The following LRRTM4 variants were observed in gnomAD, a reference collection of about 807,000 sequenced individuals.
LRRTM4 encodes the protein leucine rich repeat transmembrane neuronal 4, also known as leucine-rich repeat transmembrane neuronal protein 4.
Under a neutral mutation model 47.6 loss-of-function variants are expected in LRRTM4, and 25 were observed. The ratio of observed to expected loss-of-function variants is 0.53; its 90% CI spans 0.38 to 0.73. LRRTM4 has a LOEUF of 0.73. Ranked by LOEUF, LRRTM4 falls within the 30% of genes least tolerant of loss-of-function variation. The probability of loss-of-function intolerance (pLI) is 0.00; values close to 1 mark genes in which losing one functional copy is unlikely to be tolerated. For missense variants in LRRTM4, 638 were observed against 713.4 expected, an observed-to-expected ratio of 0.89 and a Z score of 1.20; for synonymous variants, 311 against 269.5, an observed-to-expected ratio of 1.15 and a Z score of -1.51.
At chr2:77,111,686 T>C (rs141532023) in intron 3 of LRRTM4, among the ~76,000 whole-genome samples, 7 of 152,220 alleles carry the variant, frequency 4.6e-5, no homozygotes, top group African/African-American at 1.2e-4. Context: ...AGCTGTCTTA[T>C]TGCAGTGCTT....
intron 3 of LRRTM4, among the ~76,000 whole-genome samples, chr2:77,032,531 A>C (rs1678697748): frequency 6.6e-6 from 1 of 152,098 alleles, no homozygotes; most frequent in East Asian, 1.9e-4. Flanking sequence ...AGTTCAATAT[A>C]TTTTTTGAAT....
At chr2:77,304,187 T>C (rs1677211892) in intron 3 of LRRTM4, among the ~76,000 whole-genome samples, 1 of 152,196 alleles carries the variant, frequency 6.6e-6, no homozygotes, top group African/African-American at 2.4e-5. Context: ...GCTCTGCATT[T>C]CCCTCATCAT....
chr2:77,383,143 A>T (rs1277948197), intron 3 of LRRTM4, among the ~76,000 whole-genome samples: 2 of 152,122 alleles, frequency 1.3e-5, no homozygotes, highest in African/African-American at 4.8e-5. Flanking sequence ...CATACTCCAA[A>T]GAAAAATGGT....
At chr2:77,230,661 T>C (rs920928018) in intron 3 of LRRTM4, among the ~76,000 whole-genome samples, 16 of 152,162 alleles carry the variant, frequency 1.1e-4, no homozygotes, top group African/African-American at 3.9e-4. Flanking sequence ...GGGGGTTTTA[T>C]GCATAATAAA....
chr2:76,908,858 G>A (rs1673945862), intron 3 of LRRTM4, among the ~76,000 whole-genome samples: 1 of 152,112 alleles, frequency 6.6e-6, no homozygotes, highest in South Asian at 2.1e-4. Flanking sequence ...ACAAACAAAT[G>A]GAAGAACATT....
At chr2:76,808,254 G>C (rs1036118552) in intron 3 of LRRTM4, among the ~76,000 whole-genome samples, 1 of 151,856 alleles carries the variant, frequency 6.6e-6, no homozygotes, top group Non-Finnish European at 1.5e-5. Context: ...TCCTGACTTC[G>C]TGATCCGCCT....
chr2:77,002,693 T>G (rs1219901562), intron 3 of LRRTM4, among the ~76,000 whole-genome samples: 1 of 152,118 alleles, frequency 6.6e-6, no homozygotes, highest in Non-Finnish European at 1.5e-5. Flanking sequence ...TGTTCTCTCC[T>G]TGCCCTTGTT....
chr2:77,119,305 G>A (rs376027548), intron 3 of LRRTM4, among the ~76,000 whole-genome samples: 16 of 151,808 alleles, frequency 1.1e-4, no homozygotes, highest in African/African-American at 3.9e-4. Flanking sequence ...CTTCATTGAC[G>A]TTGATTTATT....
intron 3 of LRRTM4, among the ~76,000 whole-genome samples, chr2:77,195,819 G>A (rs933176668): frequency 6.6e-5 from 10 of 152,086 alleles, no homozygotes; most frequent in African/African-American, 2.4e-4. Flanking sequence ...GTTTTGAGAG[G>A]ATAGGGGGTG....
At chr2:77,334,691 T>C (rs1355232351) in intron 3 of LRRTM4, among the ~76,000 whole-genome samples, 3 of 152,172 alleles carry the variant, frequency 2.0e-5, no homozygotes, top group African/African-American at 2.4e-5. Context: ...AGTGTGAAAA[T>C]GGACTAATAC....
At chr2:76,792,547 G>T (rs78659382) in intron 3 of LRRTM4, among the ~76,000 whole-genome samples, 1,701 of 151,434 alleles carry the variant, frequency 0.011, 47 homozygotes, top group African/African-American at 0.039. Context: ...TATACTGATG[G>T]CACAAGGTAA....
intron 3 of LRRTM4, among the ~76,000 whole-genome samples, chr2:77,010,467 CTTCT>C (rs757707246): frequency 6.8e-6 from 1 of 147,432 alleles, no homozygotes; most frequent in Non-Finnish European, 1.5e-5. Context: ...ACAGAACTTC[CTTCT>C]TTTTTAAGGC....
intron 3 of LRRTM4, among the ~76,000 whole-genome samples, chr2:77,112,689 A>T (rs1671282304): frequency 6.6e-6 from 1 of 151,882 alleles, no homozygotes; most frequent in Non-Finnish European, 1.5e-5. Context: ...TAAATCAGAG[A>T]ACTCAGATGA....
At chr2:77,029,457 T>C (rs1262418775) in intron 3 of LRRTM4, among the ~76,000 whole-genome samples, 1 of 151,692 alleles carries the variant, frequency 6.6e-6, no homozygotes, top group East Asian at 1.9e-4. Flanking sequence ...TGGAGTCTGA[T>C]GTTCGAGAGC....
chr2:77,168,200 A>T (rs1269271260), intron 3 of LRRTM4, among the ~76,000 whole-genome samples: 1 of 152,024 alleles, frequency 6.6e-6, no homozygotes, highest in African/African-American at 2.4e-5. Context: ...TTCATGTATT[A>T]TTCCTTCTCT....
At chr2:77,241,637 C>A (rs1018881812) in intron 3 of LRRTM4, among the ~76,000 whole-genome samples, 1 of 151,914 alleles carries the variant, frequency 6.6e-6, no homozygotes, top group East Asian at 1.9e-4. Context: ...TGGAAAAAAA[C>A]CTTTTATCTT....
intron 3 of LRRTM4, among the ~76,000 whole-genome samples, chr2:76,948,212 G>A (rs1429839850): frequency 6.6e-6 from 1 of 151,784 alleles, no homozygotes; most frequent in Non-Finnish European, 1.5e-5. Flanking sequence ...CACAGTATTT[G>A]TTATTGTGAG....
At chr2:77,506,359 A>C (rs1678773093) in intron 3 of LRRTM4, among the ~76,000 whole-genome samples, 2 of 151,720 alleles carry the variant, frequency 1.3e-5, no homozygotes, top group Admixed American at 1.3e-4. Flanking sequence ...TTTAGTATAC[A>C]CAGGATGAGA....
intron 3 of LRRTM4, among the ~76,000 whole-genome samples, chr2:77,150,059 T>C (rs1295651190): frequency 6.6e-6 from 1 of 152,138 alleles, no homozygotes; most frequent in East Asian, 1.9e-4. Flanking sequence ...AAGTTATCTA[T>C]TTAGTAAAGA....
Sources: allele counts gnomAD v4.1 joint callset (sites outside exome capture counted in the v4.1 genomes callset), GRCh38; gene constraint gnomAD v4.1.1; transcripts MANE v1.5; gene names NCBI Gene and HGNC (gene_info 2026-07-23, HGNC 2026-07-21).